Variants in ADAMTSL1 observed in about 807,000 individuals in gnomAD.
ADAMTSL1 encodes the protein ADAMTS-like protein 1.
A neutral mutation model predicts 201.8 loss-of-function variants in ADAMTSL1; 126 were observed. The ratio of observed to expected loss-of-function variants is 0.62; its 90% confidence interval spans 0.54 to 0.72. ADAMTSL1 has a LOEUF of 0.72. Among genes scored for constraint, ADAMTSL1 ranks in the 30% least tolerant of loss-of-function variants. The pLI is 0.00. For missense variants in ADAMTSL1, 2,679 were observed against 2,277.8 expected (o/e 1.18, Z -3.59); for synonymous variants, 1,121 against 903.4 (o/e 1.24, Z -4.32).
At chr9:18,684,634 G>A in intron 12 of ADAMTSL1, 82 bp from the exon 13 acceptor site, 4 of 1,463,414 alleles carry the variant, frequency 2.7e-6, no homozygotes, top group Non-Finnish European at 3.7e-6. Flanking sequence ...GTAACTTCTT[G>A]GTGAGGAGAA....
intron 2 of ADAMTSL1, among the ~76,000 whole-genome samples, chr9:18,227,786 T>C (rs1830486536): frequency 6.6e-6 from 1 of 152,170 alleles, no homozygotes; most frequent in South Asian, 2.1e-4. Flanking sequence ...TGGTATTATG[T>C]TATAATACAT....
At chr9:18,658,132 G>T (rs768516733) in intron 8 of ADAMTSL1, among the ~76,000 whole-genome samples, 1 of 152,036 alleles carries the variant, frequency 6.6e-6, no homozygotes, top group East Asian at 1.9e-4. Flanking sequence ...CCGCCACCAC[G>T]CCCGGCTAAT....
intron 1 of ADAMTSL1, among the ~76,000 whole-genome samples, chr9:17,951,984 A>G (rs1249287782): frequency 2.0e-5 from 3 of 151,852 alleles, no homozygotes; most frequent in Admixed American, 6.6e-5. Context: ...GATTTTTTGT[A>G]GAGATTAGGT....
Position 18,361,739 on chromosome 9 carries a change from A to G in ADAMTSL1, c.208-143090A>G, listed in dbSNP as rs1350680239. Among the ~76,000 whole-genome samples, 3 of 152,204 alleles carry G rather than the reference A, an allele frequency of 2.0e-5. No individual in the cohort carries two copies. The East Asian group carries it at 5.8e-4, about 29-fold the overall frequency. ...GCTGGATTCAGATATTTTTGTGAGCAAATAAAAATCTCCGGAGACTTTGTA... is the reference window on the plus strand; with the variant it reads ...GCTGGATTCAGATATTTTTGTGAGCGAATAAAAATCTCCGGAGACTTTGTA... On this transcript the variant is annotated intron_variant, in intron 2 of 29. Transcript: ENST00000680146.
chr9:18,472,838 A>G (rs930082819), upstream of ADAMTSL1, among the ~76,000 whole-genome samples: 1 of 152,238 alleles, frequency 6.6e-6, no homozygotes, highest in African/African-American at 2.4e-5. Flanking sequence ...ACCTATGGCA[A>G]TGTAAGGCCA....
In ADAMTSL1 at chr9:18,892,381, C is replaced by G; in HGVS notation, c.4644-8C>G. 1.2e-6 allele frequency: 2 copies of G among 1,609,664 alleles called. No individual in the cohort carries two copies. The highest frequency in any genetic ancestry group is 1.7e-6 in the Non-Finnish European group (2 of 1,178,434). On this transcript the variant is annotated splice_region_variant and splice_polypyrimidine_tract_variant and intron_variant, in intron 25 of 28. Coordinates refer to ENST00000380548, the MANE Select transcript of ADAMTSL1 (RefSeq NM_001040272.6). ...TAGGGCTCTCCTGACACTTCTTCCT[C>G]TCCCCAGGTGGATGGTGACCTCCTG... is the stretch of plus-strand genomic sequence containing the variant.
intron 13 of ADAMTSL1, among the ~76,000 whole-genome samples, chr9:18,692,748 C>T (rs1831307235): frequency 6.6e-6 from 1 of 152,116 alleles, no homozygotes; most frequent in South Asian, 2.1e-4. Flanking sequence ...TTATCAAAGT[C>T]AGGGAAAATG....
At chr9:18,015,194 T>G (rs978307810) in intron 1 of ADAMTSL1, among the ~76,000 whole-genome samples, 1 of 151,956 alleles carries the variant, frequency 6.6e-6, no homozygotes, top group African/African-American at 2.4e-5. Context: ...TGGGAATGAG[T>G]TGGAACACAG....
In ADAMTSL1 at chr9:18,325,696, G is replaced by C. The variant is rs1039304879; in HGVS notation, c.207+161715G>C. Among the ~76,000 whole-genome samples the C allele has an allele frequency of 4.6e-5, 7 of 150,696 alleles. No individual in the cohort carries two copies. The East Asian group carries it at 1.4e-3, about 29-fold the overall frequency. ...TCTCACATGGCAGAAAGGGAAGATAGTGTAAGCTAGCTAGGTGTTGCCTGA... is the reference window on the plus strand; with the variant it reads ...TCTCACATGGCAGAAAGGGAAGATACTGTAAGCTAGCTAGGTGTTGCCTGA... On this transcript the variant is annotated intron_variant, in intron 2 of 29. Transcript: ENST00000680146.
intron 2 of ADAMTSL1, among the ~76,000 whole-genome samples, chr9:18,238,837 A>G (rs1830949545): frequency 6.6e-6 from 1 of 152,190 alleles, no homozygotes; most frequent in Non-Finnish European, 1.5e-5. Context: ...TGTAATTGTA[A>G]CATTTGAAAT....
chr9:18,613,983 A>G (rs1270778357), intron 4 of ADAMTSL1, among the ~76,000 whole-genome samples: 1 of 152,240 alleles, frequency 6.6e-6, no homozygotes, highest in East Asian at 1.9e-4. Context: ...TTCTCAAACG[A>G]AGACTTCAAA....
chr9:18,625,381 A>T (rs1485873485), intron 5 of ADAMTSL1, among the ~76,000 whole-genome samples: 11 of 152,082 alleles, frequency 7.2e-5, no homozygotes. Flanking sequence ...GAGAAGTAGG[A>T]GAAGTTTATC....
At chr9:18,719,166 G>T (rs1409138791) in intron 14 of ADAMTSL1, among the ~76,000 whole-genome samples, 2 of 152,180 alleles carry the variant, frequency 1.3e-5, no homozygotes, top group Middle Eastern at 3.4e-3. Flanking sequence ...CCTGCAGTCA[G>T]CATTACAGAA....
chr9:18,606,521 G>C (rs1825021601), intron 4 of ADAMTSL1, among the ~76,000 whole-genome samples: 1 of 152,158 alleles, frequency 6.6e-6, no homozygotes, highest in Admixed American at 6.5e-5. Flanking sequence ...CTGACCTCTT[G>C]AGGATACACA....
chr9:18,639,246 T>C lies in ADAMTSL1; in HGVS notation c.677-8T>C, dbSNP rs779237694. ...CTTTCTCTCATCTTCACGTGTTTGATCATATAGATCTGGAAACCAAAACCC... is the reference window on the plus strand; with the variant it reads ...CTTTCTCTCATCTTCACGTGTTTGACCATATAGATCTGGAAACCAAAACCC... On this transcript the variant is annotated splice_region_variant and splice_polypyrimidine_tract_variant and intron_variant, in intron 6 of 28. Coordinates refer to ENST00000380548, the MANE Select transcript of ADAMTSL1 (RefSeq NM_001040272.6). 9.3e-6 allele frequency: 15 copies of C among 1,612,320 alleles called. No individual in the cohort carries two copies. In the South Asian group the frequency reaches 1.6e-4, roughly 18 times the overall value.
At chr9:18,386,405 A>C (rs955263420) in intron 2 of ADAMTSL1, among the ~76,000 whole-genome samples, 1 of 152,184 alleles carries the variant, frequency 6.6e-6, no homozygotes, top group African/African-American at 2.4e-5. Flanking sequence ...ACTATATCAC[A>C]TTAAAGACAC....
chr9:18,818,457 C>T (rs1179306779), intron 21 of ADAMTSL1, among the ~76,000 whole-genome samples: 1 of 152,138 alleles, frequency 6.6e-6, no homozygotes, highest in Admixed American at 6.5e-5. Context: ...CGAATAACAG[C>T]CAAGTCTGAT....
chr9:18,731,219 A>G (rs1436150003), intron 15 of ADAMTSL1, among the ~76,000 whole-genome samples: 1 of 152,246 alleles, frequency 6.6e-6, no homozygotes, highest in Non-Finnish European at 1.5e-5. Flanking sequence ...AAAAAGAAAT[A>G]TCATAGGGTT....
intron 2 of ADAMTSL1, among the ~76,000 whole-genome samples, chr9:18,243,749 G>A (rs1831154058): frequency 6.6e-6 from 1 of 150,658 alleles, no homozygotes; most frequent in South Asian, 2.1e-4. Flanking sequence ...TCTGTCCACA[G>A]ACCCAGGCAT....
Sources: allele counts gnomAD v4.1 joint callset (sites outside exome capture counted in the v4.1 genomes callset), GRCh38; gene constraint gnomAD v4.1.1; transcripts MANE v1.5; gene names NCBI Gene and HGNC (gene_info 2026-07-23, HGNC 2026-07-21).